The following LANCL2 variants were observed in gnomAD, a reference collection of about 807,000 sequenced individuals.
LANCL2 encodes the protein lanC-like protein 2.
LANCL2 carries 33 observed loss-of-function variants against 56.9 expected under a neutral mutation model. The observed-to-expected ratio is 0.58, with a 90% confidence interval of 0.44 to 0.78. The LOEUF (loss-of-function observed/expected upper bound fraction) is 0.78, where lower values mean the gene tolerates loss of function less well. Among genes scored for constraint, LANCL2 ranks in the 30% least tolerant of loss-of-function variants. LANCL2 has a pLI of 0.00. For missense variants in LANCL2, 562 were observed against 580.2 expected, an observed-to-expected ratio of 0.97 and a Z score of 0.32; for synonymous variants, 233 against 228.2, an observed-to-expected ratio of 1.02 and a Z score of -0.19.
chr7:55,371,945 T>G (rs6957005), intron 1 of LANCL2, among the ~76,000 whole-genome samples: 53,385 of 151,718 alleles, frequency 0.35, 9,853 homozygotes, highest in African/African-American at 0.42. Context: ...GAAGGTGGGG[T>G]AATATACTCT....
intron 1 of LANCL2, among the ~76,000 whole-genome samples, chr7:55,391,058 C>T (rs1224092575): frequency 6.8e-6 from 1 of 147,370 alleles, no homozygotes; most frequent in African/African-American, 2.5e-5. Context: ...GCTCTGTCGC[C>T]CAGGCTGGAG....
At chr7:55,376,180 C>CT (rs1451438843) in intron 1 of LANCL2, among the ~76,000 whole-genome samples, 2 of 152,200 alleles carry the variant, frequency 1.3e-5, no homozygotes, top group East Asian at 3.9e-4. Flanking sequence ...AAACTCCAGT[C>CT]TGCCCCTTAC....
chr7:55,402,974 G>A (rs1297613009), intron 5 of LANCL2, among the ~76,000 whole-genome samples: 1 of 150,622 alleles, frequency 6.6e-6, no homozygotes, highest in Non-Finnish European at 1.5e-5. Flanking sequence ...CAGGCAGAGA[G>A]GCTCCTCACA....
At position 55,366,110 on chromosome 7, in the gene LANCL2, C is replaced by G; in HGVS notation, c.85C>G (p.Pro29Ala). The G allele has an allele frequency of 6.5e-7, 1 of 1,545,586 alleles. No individual in the cohort carries two copies. The highest frequency in any genetic ancestry group is 8.8e-7 in the Non-Finnish European group (1 of 1,142,640). ...GGAACGGGCGTTCGTCAACCCCTTC[C>G]CGGACTACGAGGCCGCCGCCGGGGC... The part of the protein sequence containing the change: ...MEERAFVNPF[P>A]DYEAAAGALL... The change falls in exon 1 of 9, where the codon CCG (proline) becomes GCG (alanine). Residue 29 changes from proline (P) to alanine (A), a missense_variant. Physicochemically the swap from Pro to Ala is conservative, Grantham distance 27 (BLOSUM62 -1). This residue lies in a region of LANCL2 where 184 missense variants were observed against 111.8 expected (regional missense o/e 1.65). Transcript: ENST00000254770.
Position 55,365,396 on chromosome 7 carries a change from G to A in LANCL2, c.-630G>A, listed in dbSNP as rs1789844281. The A allele has an allele frequency of 6.6e-6, 1 of 152,156 alleles. No homozygotes were observed. The highest frequency in any genetic ancestry group is 1.5e-5 in the Non-Finnish European group (1 of 68,020). 9.4% of individuals were successfully genotyped at this position (152,156 alleles called of 1,614,324 possible). A position where few individuals can be genotyped will look rare whatever the true frequency, so the allele number is the denominator to read the frequency against. ...TGTTTTGAAATTCTGTTCTTTAGAA[G>A]AGATTTTTTTTTTCTTCTTAATATC... On this transcript the variant is annotated 5_prime_UTR_variant, in exon 1 of 9. Coordinates refer to ENST00000254770, the MANE Select transcript of LANCL2 (RefSeq NM_018697.4).
At chr7:55,429,683 A>G (rs895411687) in intron 8 of LANCL2, among the ~76,000 whole-genome samples, 1 of 152,260 alleles carries the variant, frequency 6.6e-6, no homozygotes, top group Admixed American at 6.5e-5. Context: ...ATGTCATAAA[A>G]ATGCAATGCA....
chr7:55,418,377 G>A (rs1180716290), intron 6 of LANCL2, among the ~76,000 whole-genome samples: 1 of 151,030 alleles, frequency 6.6e-6, no homozygotes, highest in Non-Finnish European at 1.5e-5. Flanking sequence ...ATGGGGTTTC[G>A]CCATATTGAC....
chr7:55,420,334 G>A (rs1790594412), intron 6 of LANCL2, among the ~76,000 whole-genome samples: 1 of 152,110 alleles, frequency 6.6e-6, no homozygotes, highest in Admixed American at 6.5e-5. Context: ...ATTTAGAAGT[G>A]GGTTGTGTGT....
In LANCL2 at chr7:55,365,926, GA is replaced by G. The variant is rs1215239867; in HGVS notation, c.-99del. 3.8e-5 allele frequency: 36 copies of G among 953,598 alleles called. No individual in the cohort carries two copies. The East Asian group carries it at 1.2e-3, about 31-fold the overall frequency. 59.1% of individuals were successfully genotyped at this position (953,598 alleles called of 1,614,324 possible). On this transcript the variant is annotated 5_prime_UTR_variant, in exon 1 of 9. Transcript: ENST00000254770. ...GCGCGCGGCCTCGCTCCTCCTAGAG[GA>G]CGCTCTCTGCGCGGGCCCTCGGAGG...
chr7:55,395,295 A>G (rs1057279236), intron 2 of LANCL2, among the ~76,000 whole-genome samples: 1 of 152,216 alleles, frequency 6.6e-6, no homozygotes, highest in Admixed American at 6.5e-5. Context: ...ATGTCACTAC[A>G]AAGTGGAGAA....
chr7:55,400,947 A>G (rs1790314994), intron 4 of LANCL2, among the ~76,000 whole-genome samples: 1 of 152,152 alleles, frequency 6.6e-6, no homozygotes, highest in Non-Finnish European at 1.5e-5. Context: ...TATTTCTTAG[A>G]CAGTATCTTT....
At chr7:55,385,431 C>T (rs1043355892) in intron 1 of LANCL2, among the ~76,000 whole-genome samples, 4 of 152,114 alleles carry the variant, frequency 2.6e-5, no homozygotes, top group East Asian at 1.9e-4. Context: ...TCCTAAGCGT[C>T]GACTGGCTTT....
intron 1 of LANCL2, among the ~76,000 whole-genome samples, chr7:55,387,174 AG>A (rs1393358493): frequency 2.0e-5 from 3 of 152,234 alleles, no homozygotes; most frequent in Non-Finnish European, 4.4e-5. Context: ...AATTAGACAC[AG>A]GAAGAGTGTG....
At chr7:55,380,869 CTT>C (rs66710499) in intron 1 of LANCL2, among the ~76,000 whole-genome samples, 56 of 118,582 alleles carry the variant, frequency 4.7e-4, no homozygotes, top group Non-Finnish European at 5.5e-4. Flanking sequence ...GAGTGAATTT[CTT>C]TTTTTTTTTT....
chr7:55,413,577 C>A (rs1005902852), intron 6 of LANCL2, among the ~76,000 whole-genome samples: 3 of 152,216 alleles, frequency 2.0e-5, no homozygotes, highest in Non-Finnish European at 4.4e-5. Context: ...ATGAGTTCTG[C>A]AGACAGTGGC....
Position 55,431,357 on chromosome 7 carries a change from CA to C in LANCL2, c.*41del. The C allele has an allele frequency of 6.8e-7, 1 of 1,476,136 alleles. No individual in the cohort carries two copies. The highest frequency in any genetic ancestry group is 1.8e-5 in the Admixed American group (1 of 55,240). The allele number at this position is 1,476,136 out of a possible 1,614,324, so 91.4% of individuals were successfully genotyped here. A position where few individuals can be genotyped will look rare whatever the true frequency, so the allele number is the denominator to read the frequency against. On this transcript the variant is annotated 3_prime_UTR_variant, in exon 9 of 9. Coordinates refer to ENST00000254770, the MANE Select transcript of LANCL2 (RefSeq NM_018697.4). ...AGACAACTAAAATACCCATTTGGACCAAAAGCCACCAGATTGCTTAGTGCCT... is the reference window on the plus strand; with the variant it reads ...AGACAACTAAAATACCCATTTGGACCAAAGCCACCAGATTGCTTAGTGCCT...
At chr7:55,410,085 G>T (rs535038339) in intron 5 of LANCL2, among the ~76,000 whole-genome samples, 1 of 152,316 alleles carries the variant, frequency 6.6e-6, no homozygotes, top group African/African-American at 2.4e-5. Context: ...GCACAGCCAT[G>T]CATGGATTGT....
intron 2 of LANCL2, among the ~76,000 whole-genome samples, chr7:55,392,377 T>A (rs1790202026): frequency 1.3e-5 from 2 of 149,186 alleles, no homozygotes; most frequent in Admixed American, 1.4e-4. Flanking sequence ...TGGGCTAGAG[T>A]ACAGTGTCTG....
intron 1 of LANCL2, among the ~76,000 whole-genome samples, chr7:55,366,850 T>C (rs1166178472): frequency 6.6e-6 from 1 of 152,192 alleles, no homozygotes; most frequent in Non-Finnish European, 1.5e-5. Context: ...ACCCAAATAC[T>C]TTTGTGCTAG....
Sources: allele counts gnomAD v4.1 joint callset (sites outside exome capture counted in the v4.1 genomes callset), GRCh38; gene constraint gnomAD v4.1.1; regional missense constraint gnomAD v4.1.1; transcripts MANE v1.5; gene names NCBI Gene and HGNC (gene_info 2026-07-23, HGNC 2026-07-21).